The following TATDN1 variants were observed in gnomAD, a reference collection of about 807,000 sequenced individuals.
TATDN1 encodes the protein deoxyribonuclease TATDN1.
Under a neutral mutation model 46.4 loss-of-function variants are expected in TATDN1, and 40 were observed. The ratio of observed to expected loss-of-function variants is 0.86; its 90% CI spans 0.67 to 1.12. The LOEUF is 1.12. Among genes scored for constraint, TATDN1 ranks in the 50% most tolerant of loss-of-function variants. The pLI, the probability that TATDN1 is intolerant of heterozygous loss-of-function variation, is 0.00. For missense variants in TATDN1, 326 were observed against 348.4 expected, an observed-to-expected ratio of 0.94 and a Z score of 0.51; for synonymous variants, 95 against 105.6, an observed-to-expected ratio of 0.90 and a Z score of 0.62.
chr8:124,508,536 CT>C, intron 7 of TATDN1, 22 bp from the exon 8 acceptor site: 2 of 1,612,346 alleles, frequency 1.2e-6, no homozygotes, highest in Non-Finnish European at 1.7e-6. Context: ...AAACAAAGAA[CT>C]TTTAGCAAAT....
chr8:124,529,854 G>A (rs758408658), intron 1 of TATDN1, among the ~76,000 whole-genome samples: 6 of 152,052 alleles, frequency 3.9e-5, no homozygotes, highest in African/African-American at 1.2e-4. Flanking sequence ...CACTCTGGGA[G>A]GCCAAGGCAG....
chr8:124,529,978 G>A (rs1040914272), intron 1 of TATDN1, among the ~76,000 whole-genome samples: 4 of 152,132 alleles, frequency 2.6e-5, no homozygotes, highest in Non-Finnish European at 4.4e-5. Context: ...TGTAATCCCA[G>A]CTCTTGGGAT....
At chr8:124,501,114 G>A (rs1431530241) in intron 9 of TATDN1, among the ~76,000 whole-genome samples, 2 of 152,182 alleles carry the variant, frequency 1.3e-5, no homozygotes, top group Admixed American at 1.3e-4. Flanking sequence ...AGAACAACAA[G>A]CACAGAGGAG....
intron 8 of TATDN1, among the ~76,000 whole-genome samples, chr8:124,505,896 A>ATTTTTTTTTTTTTTTTTTTTTTGAGACGG (rs1340018765): frequency 6.6e-6 from 1 of 150,572 alleles, no homozygotes; most frequent in Non-Finnish European, 1.5e-5. Flanking sequence ...AAATCATTTT[A>ATTTTTTTTTTTTTTTTTTTTTTGAGACGG]AAAGTGACTC....
chr8:124,496,028 G>T lies in TATDN1; in HGVS notation c.594-486C>A, dbSNP rs957684120. On this transcript the variant is annotated intron_variant, in intron 9 of 11. Transcript: ENST00000276692. ...GTTGGCCTCAAGACTTGCTATGGCT[G>T]CCTGTGGCAGCCTCTATCAGCCAAA... Among the ~76,000 whole-genome samples, 4 of 152,224 alleles carry T rather than the reference G, an allele frequency of 2.6e-5. No individual in the cohort carries two copies. In the East Asian group the frequency reaches 5.8e-4, roughly 22 times the overall value.
intron 1 of TATDN1, among the ~76,000 whole-genome samples, chr8:124,526,371 C>T (rs186578426): frequency 3.3e-4 from 50 of 152,328 alleles, no homozygotes; most frequent in African/African-American, 1.2e-3. Context: ...CTCTATTAGA[C>T]ATAAGCCTAT....
chr8:124,494,123 C>G, intron 10 of TATDN1, 164 bp from the exon 11 acceptor site: 1 of 596,532 alleles, frequency 1.7e-6, no homozygotes. Context: ...AAGATAAAAT[C>G]TTGAATTGCA....
intron 9 of TATDN1, among the ~76,000 whole-genome samples, chr8:124,503,144 A>G (rs1818120803): frequency 6.6e-6 from 1 of 152,234 alleles, no homozygotes; most frequent in African/African-American, 2.4e-5. Context: ...TATGCATATA[A>G]CCAAAAATTC....
At chr8:124,497,047 G>A (rs936310900) in intron 9 of TATDN1, among the ~76,000 whole-genome samples, 2 of 152,064 alleles carry the variant, frequency 1.3e-5, no homozygotes, top group African/African-American at 2.4e-5. Context: ...TGTCTCAGTG[G>A]CATACATTCT....
chr8:124,533,579 G>A lies in TATDN1; in HGVS notation c.22+5446C>T, dbSNP rs140467595. ...TGGTCCCAATGTCAGGCAGTTGGCT[G>A]AAGTCAGCAGAGGAGCAAGTCTTCC... On this transcript the variant is annotated intron_variant, in intron 1 of 11. Transcript: ENST00000276692. 5.8e-3 allele frequency among the ~76,000 whole-genome samples: 884 copies of A among 152,274 alleles called. 8 individuals are homozygous for A. Among genetic ancestry groups the A allele is most frequent in the Non-Finnish European group, 9.2e-3 (626 of 68,022 alleles).
At chr8:124,519,503 T>A (rs1819844527) in intron 3 of TATDN1, among the ~76,000 whole-genome samples, 1 of 152,224 alleles carries the variant, frequency 6.6e-6, no homozygotes, top group African/African-American at 2.4e-5. Context: ...AATTTTTTTG[T>A]TCTGGAATAT....
Position 124,535,378 on chromosome 8 carries a change from TTAAGGAAAAAGTTTGCAAACCTC to T in TATDN1, c.22+3624_22+3646del, listed in dbSNP as rs1388919555. On this transcript the variant is annotated intron_variant, in intron 1 of 11. Transcript: ENST00000276692. ...TCTAAAATATTTACTATATGGCCCTTTAAGGAAAAAGTTTGCAAACCTCTGCACTTGATTCAAAAATTTAAGGA... is the reference window on the plus strand; with the variant it reads ...TCTAAAATATTTACTATATGGCCCTTTGCACTTGATTCAAAAATTTAAGGA... 2.0e-5 allele frequency among the ~76,000 whole-genome samples: 3 copies of T among 152,280 alleles called. No homozygotes were observed. The South Asian group carries it at 6.2e-4, about 32-fold the overall frequency.
chr8:124,525,902 G>A (rs1465828932), intron 1 of TATDN1, among the ~76,000 whole-genome samples: 1 of 152,170 alleles, frequency 6.6e-6, no homozygotes, highest in Non-Finnish European at 1.5e-5. Context: ...AAGGGATAGT[G>A]AGAAACAAAA....
rs1332485231 is a variant in TATDN1, at chr8:124,506,324, G to C, written c.517-1977C>G. Among the ~76,000 whole-genome samples, 3 of 127,548 alleles carry C rather than the reference G, an allele frequency of 2.4e-5. No homozygotes were observed. In the East Asian group the frequency reaches 6.4e-4, roughly 27 times the overall value. The allele number at this position is 127,548 out of a possible 152,430, so 83.7% of individuals were successfully genotyped here. On this transcript the variant is annotated intron_variant, in intron 8 of 11. Transcript: ENST00000276692. ...CACTCCAGCCTGGGTGACAGAGCAA[G>C]GCTCTGTCTCAAAAAAAAAAAAAAA... is the stretch of plus-strand genomic sequence containing the variant.
At chr8:124,521,058 AAT>A (rs1820003494) in intron 3 of TATDN1, among the ~76,000 whole-genome samples, 1 of 152,180 alleles carries the variant, frequency 6.6e-6, no homozygotes, top group South Asian at 2.1e-4. Flanking sequence ...CTTTACACTC[AAT>A]ATTTTATTTA....
intron 1 of TATDN1, among the ~76,000 whole-genome samples, chr8:124,529,758 T>C (rs1158604227): frequency 6.6e-6 from 1 of 152,234 alleles, no homozygotes. Context: ...TTATCTGATG[T>C]AGATGACACT....
chr8:124,524,859 G>T lies in TATDN1; in HGVS notation c.23-1857C>A, dbSNP rs115041250. Reference sequence around the variant, plus strand: ...TTACTCAACTTGATGGATTTTTGCTGAAGGCAGGCCAGAGTGTCAGGATAT... The same window carrying T: ...TTACTCAACTTGATGGATTTTTGCTTAAGGCAGGCCAGAGTGTCAGGATAT... On this transcript the variant is annotated intron_variant, in intron 1 of 11. Transcript: ENST00000276692. Among the ~76,000 whole-genome samples, 1,256 of 152,292 alleles carry T rather than the reference G, an allele frequency of 8.2e-3. 19 individuals are homozygous for T. The highest frequency in any genetic ancestry group is 0.028 in the African/African-American group (1,169 of 41,550).
chr8:124,498,689 C>T (rs1817686644), intron 9 of TATDN1, among the ~76,000 whole-genome samples: 1 of 152,092 alleles, frequency 6.6e-6, no homozygotes. Context: ...CTCTCACTAT[C>T]ACCTGGGCTG....
chr8:124,497,893 ATG>A (rs1330974378), intron 9 of TATDN1, among the ~76,000 whole-genome samples: 5 of 151,626 alleles, frequency 3.3e-5, no homozygotes, highest in Non-Finnish European at 7.3e-5. Context: ...TAAAAAAAAT[ATG>A]TATCTTTCTG....
Sources: gnomAD v4.1 joint callset for allele counts (sites outside exome capture counted in the v4.1 genomes callset) on GRCh38, gnomAD v4.1.1 for gene constraint, MANE v1.5 for transcripts, NCBI Gene and HGNC (gene_info 2026-07-23, HGNC 2026-07-21) for gene names.